The following SNX29 variants were observed in gnomAD, a reference collection of about 807,000 sequenced individuals.
SNX29 encodes the protein sorting nexin 29.
Under a neutral mutation model 102.1 loss-of-function variants are expected in SNX29, and 78 were observed. The ratio of observed to expected loss-of-function variants is 0.76; its 90% CI spans 0.64 to 0.92. SNX29 has a LOEUF of 0.92. Ranked by LOEUF, SNX29 falls within the 40% of genes least tolerant of loss-of-function variation. The pLI is 0.00. For synonymous variants in SNX29, 580 were observed against 414.5 expected (o/e 1.40, Z -4.85); for missense variants, 1,280 against 1,061.7 (o/e 1.21, Z -2.86).
Position 12,572,154 on chromosome 16 carries a change from C to G in SNX29, c.*3525C>G, listed in dbSNP as rs991726581. The G allele has an allele frequency of 8.1e-6, 8 of 986,170 alleles. No individual in the cohort carries two copies. The highest frequency in any genetic ancestry group is 1.7e-5 in the African/African-American group (1 of 59,344). 61.1% of individuals were successfully genotyped at this position (986,170 alleles called of 1,614,324 possible). A position where few individuals can be genotyped will look rare whatever the true frequency, so the allele number is the denominator to read the frequency against. The stretch of plus-strand genomic sequence containing the variant: ...TTCATACTTTGGAGCTTATTAAGAT[C>G]AATTTTGATAACCATGTAATTTCTT... On this transcript the variant is annotated 3_prime_UTR_variant, in exon 21 of 21. Transcript: ENST00000566228.
intron 15 of SNX29, among the ~76,000 whole-genome samples, chr16:12,294,226 T>C (rs1170796240): frequency 6.6e-6 from 1 of 152,202 alleles, no homozygotes; most frequent in Non-Finnish European, 1.5e-5. Flanking sequence ...TGTGTAGCAT[T>C]TATAGATCAA....
intron 11 of SNX29, among the ~76,000 whole-genome samples, chr16:12,120,983 G>A (rs1350134103): frequency 2.0e-5 from 3 of 152,218 alleles, no homozygotes; most frequent in Non-Finnish European, 4.4e-5. Flanking sequence ...CGTGGTTGAC[G>A]TTTCTGTCCA....
intron 13 of SNX29, among the ~76,000 whole-genome samples, chr16:12,177,781 A>G (rs745768930): frequency 4.6e-5 from 7 of 152,204 alleles, no homozygotes; most frequent in African/African-American, 1.4e-4. Context: ...GTTAACTTCA[A>G]TCAGTCAATA....
intron 4 of SNX29, among the ~76,000 whole-genome samples, chr16:12,031,411 C>G (rs1227130301): frequency 6.6e-6 from 1 of 151,876 alleles, no homozygotes; most frequent in Non-Finnish European, 1.5e-5. Context: ...TTTCTGTTGT[C>G]TTGAAACTCT....
At chr16:12,552,621 A>C (rs759407654) in intron 20 of SNX29, among the ~76,000 whole-genome samples, 17 of 152,290 alleles carry the variant, frequency 1.1e-4, no homozygotes, top group Non-Finnish European at 2.2e-4. Context: ...AAAAAGCAAA[A>C]ACCAAACACC....
intron 14 of SNX29, among the ~76,000 whole-genome samples, chr16:12,234,749 C>G (rs1379445151): frequency 1.3e-5 from 2 of 152,184 alleles, no homozygotes; most frequent in East Asian, 3.9e-4. Context: ...TTCATTCCCT[C>G]TCTGGACTTA....
At chr16:12,502,908 T>C (rs1429550840) in intron 19 of SNX29, among the ~76,000 whole-genome samples, 1 of 152,216 alleles carries the variant, frequency 6.6e-6, no homozygotes, top group African/African-American at 2.4e-5. Flanking sequence ...GAGCTGCCAG[T>C]AGATCTTGTT....
At chr16:12,307,490 T>C (rs889905038) in intron 15 of SNX29, among the ~76,000 whole-genome samples, 1 of 152,202 alleles carries the variant, frequency 6.6e-6, no homozygotes, top group Non-Finnish European at 1.5e-5. Context: ...TATGGATGCT[T>C]TCATGCAGGG....
chr16:12,304,115 C>A (rs1403677843), intron 15 of SNX29, among the ~76,000 whole-genome samples: 2 of 151,976 alleles, frequency 1.3e-5, no homozygotes, highest in African/African-American at 4.8e-5. Context: ...GCCTAAGTAG[C>A]AGGAATGAGT....
chr16:12,422,495 G>A (rs2084911691), intron 18 of SNX29, among the ~76,000 whole-genome samples: 3 of 152,206 alleles, frequency 2.0e-5, no homozygotes, highest in African/African-American at 7.2e-5. Context: ...GCTGCAAAAA[G>A]CAGCTTGTTT....
intron 15 of SNX29, among the ~76,000 whole-genome samples, chr16:12,348,078 T>A (rs971020470): frequency 4.7e-5 from 7 of 149,630 alleles, no homozygotes; most frequent in African/African-American, 1.8e-4. Context: ...ACCTTGTCTC[T>A]GGAAAACAAA....
chr16:12,275,021 C>T (rs960936957), intron 14 of SNX29, among the ~76,000 whole-genome samples: 1 of 152,162 alleles, frequency 6.6e-6, no homozygotes, highest in African/African-American at 2.4e-5. Context: ...TTGCTTTTCT[C>T]TGTTTATTCC....
At chr16:12,029,915 C>G (rs1394333676) in intron 4 of SNX29, among the ~76,000 whole-genome samples, 1 of 148,880 alleles carries the variant, frequency 6.7e-6, no homozygotes, top group African/African-American at 2.5e-5. Context: ...CTTTTAATCA[C>G]TGATATATCA....
chr16:12,155,836 G>C (rs1446397157), intron 13 of SNX29, among the ~76,000 whole-genome samples: 1 of 152,178 alleles, frequency 6.6e-6, no homozygotes, highest in South Asian at 2.1e-4. Context: ...CTGCTGCAAG[G>C]AAGGGTCCCA....
chr16:12,206,554 C>A (rs1028530990), intron 14 of SNX29, among the ~76,000 whole-genome samples: 1 of 152,108 alleles, frequency 6.6e-6, no homozygotes, highest in African/African-American at 2.4e-5. Context: ...CGGGCGCTCC[C>A]ATCCCTCACT....
At chr16:12,118,313 C>CTTTTTTTTTTTT (rs869186902) in intron 11 of SNX29, among the ~76,000 whole-genome samples, 1,253 of 86,108 alleles carry the variant, frequency 0.015, 211 homozygotes, top group East Asian at 0.057. Flanking sequence ...TACAGACCAC[C>CTTTTTTTTTTTT]TTTTTTTTTT....
chr16:12,356,013 G>A, intron 15 of SNX29, 150 bp from the exon 16 acceptor site: 1 of 655,462 alleles, frequency 1.5e-6, no homozygotes. Context: ...GGATTGCATG[G>A]TTCACAGGTA....
intron 16 of SNX29, among the ~76,000 whole-genome samples, chr16:12,392,654 G>A (rs769691404): frequency 1.3e-5 from 2 of 152,204 alleles, no homozygotes; most frequent in African/African-American, 2.4e-5. Context: ...AGGTTTCAGT[G>A]CTGCCCAGAG....
At chr16:12,344,234 G>A (rs2081704861) in intron 15 of SNX29, among the ~76,000 whole-genome samples, 1 of 152,188 alleles carries the variant, frequency 6.6e-6, no homozygotes, top group South Asian at 2.1e-4. Flanking sequence ...TCAGCAGCAT[G>A]AGAACAGACT....
Sources: allele counts gnomAD v4.1 joint callset (sites outside exome capture counted in the v4.1 genomes callset), GRCh38; gene constraint gnomAD v4.1.1; transcripts MANE v1.5; gene names NCBI Gene and HGNC (gene_info 2026-07-23, HGNC 2026-07-21).